Variants in ALMS1 observed in about 807,000 individuals in gnomAD.
The protein encoded by ALMS1 is ALMS1 centrosome and basal body associated protein.
In ALMS1, 271 loss-of-function variants were observed where a neutral mutation model predicts 352.2. That is an observed-to-expected ratio of 0.77 (90% CI 0.70 to 0.85). ALMS1 has a LOEUF of 0.85. Ranked by LOEUF, ALMS1 falls within the 40% of genes least tolerant of loss-of-function variation. The pLI is 0.00. For synonymous variants in ALMS1, 1,865 were observed against 1,761.2 expected, an observed-to-expected ratio of 1.06 and a Z score of -1.48; for missense variants, 5,445 against 4,870.7, an observed-to-expected ratio of 1.12 and a Z score of -3.51.
chr2:73,485,538 C>T (rs1205677647), intron 9 of ALMS1, among the ~76,000 whole-genome samples: 1 of 152,226 alleles, frequency 6.6e-6, no homozygotes, highest in Non-Finnish European at 1.5e-5. Flanking sequence ...TTTGTCTGTG[C>T]CCTTCCTCCA....
At chr2:73,422,073 A>C (rs972978286) in intron 3 of ALMS1, among the ~76,000 whole-genome samples, 2 of 152,152 alleles carry the variant, frequency 1.3e-5, no homozygotes, top group Non-Finnish European at 2.9e-5. Context: ...TATTTCCCAC[A>C]TTAGAAATTA....
chr2:73,436,640 T>C (rs572548476), intron 7 of ALMS1, among the ~76,000 whole-genome samples: 29 of 152,238 alleles, frequency 1.9e-4, no homozygotes, highest in Non-Finnish European at 3.1e-4. Context: ...CTGATTTTTT[T>C]CTTCTGTCTT....
At chr2:73,386,239 G>C in intron 1 of ALMS1, 47 bp downstream of exon 1, 3 of 1,462,726 alleles carry the variant, frequency 2.1e-6, no homozygotes, top group Non-Finnish European at 2.7e-6. Flanking sequence ...AGTTGGGGGT[G>C]GAGGCTGGGC....
At chr2:73,396,340 G>A (rs1670761298) in intron 1 of ALMS1, among the ~76,000 whole-genome samples, 1 of 139,682 alleles carries the variant, frequency 7.2e-6, no homozygotes, top group Non-Finnish European at 1.6e-5. Context: ...ACACACACAC[G>A]CTTGTATTTT....
At chr2:73,509,909 G>A (rs993600511) in intron 10 of ALMS1, among the ~76,000 whole-genome samples, 2 of 152,034 alleles carry the variant, frequency 1.3e-5, no homozygotes, top group East Asian at 1.9e-4. Flanking sequence ...TCAAACGTAC[G>A]TTTAGTCTTT....
At chr2:73,389,369 A>G (rs1393113543) in intron 1 of ALMS1, among the ~76,000 whole-genome samples, 3 of 151,664 alleles carry the variant, frequency 2.0e-5, no homozygotes, top group Non-Finnish European at 2.9e-5. Flanking sequence ...GTTTGCAGAT[A>G]TTTTCTCCCA....
intron 16 of ALMS1, among the ~76,000 whole-genome samples, chr2:73,590,936 A>G (rs905464835): frequency 5.3e-5 from 8 of 151,970 alleles, no homozygotes; most frequent in Non-Finnish European, 1.0e-4. Context: ...ACAGCCTCCC[A>G]AAGTGCTGGA....
At chr2:73,589,002 T>C (rs1675366142) in intron 16 of ALMS1, among the ~76,000 whole-genome samples, 1 of 152,068 alleles carries the variant, frequency 6.6e-6, no homozygotes, top group Admixed American at 6.5e-5. Context: ...CAAATATACA[T>C]ACCTATGTGT....
intron 9 of ALMS1, among the ~76,000 whole-genome samples, chr2:73,474,974 T>C (rs1031813728): frequency 5.3e-5 from 8 of 152,168 alleles, no homozygotes; most frequent in African/African-American, 1.9e-4. Context: ...ATTCTGGACA[T>C]TTTATATAAA....
chr2:73,578,622 A>C (rs1241573852), intron 16 of ALMS1, among the ~76,000 whole-genome samples: 1 of 152,172 alleles, frequency 6.6e-6, no homozygotes, highest in Non-Finnish European at 1.5e-5. Context: ...AGCTTCAATA[A>C]TATACAAACA....
chr2:73,425,956 T>TA (rs1671369760), intron 5 of ALMS1, among the ~76,000 whole-genome samples: 1 of 152,228 alleles, frequency 6.6e-6, no homozygotes, highest in African/African-American at 2.4e-5. Flanking sequence ...TGAAAAATCT[T>TA]ACAACCAGGC....
At chr2:73,510,370 T>C (rs1673423407) in intron 10 of ALMS1, among the ~76,000 whole-genome samples, 1 of 152,232 alleles carries the variant, frequency 6.6e-6, no homozygotes. Context: ...TGGTCTTTGC[T>C]GTTGGTGAAC....
chr2:73,600,237 C>T (rs757894665), intron 17 of ALMS1, among the ~76,000 whole-genome samples: 1 of 152,148 alleles, frequency 6.6e-6, no homozygotes, highest in African/African-American at 2.4e-5. Context: ...GGATTTTTAG[C>T]TATTGCCTTT....
intron 11 of ALMS1, among the ~76,000 whole-genome samples, chr2:73,523,066 A>G (rs893535650): frequency 6.6e-6 from 1 of 152,190 alleles, no homozygotes; most frequent in South Asian, 2.1e-4. Context: ...AAAGGTTGAA[A>G]GCAAAAACTT....
chr2:73,429,649 T>C (rs190996961), intron 6 of ALMS1, among the ~76,000 whole-genome samples: 1 of 152,294 alleles, frequency 6.6e-6, no homozygotes, highest in East Asian at 1.9e-4. Flanking sequence ...GGTTTAAGCC[T>C]TAGATTTCTT....
At chr2:73,525,251 C>T (rs781281941) in intron 11 of ALMS1, among the ~76,000 whole-genome samples, 4 of 152,114 alleles carry the variant, frequency 2.6e-5, no homozygotes, top group Non-Finnish European at 4.4e-5. Context: ...GCAGATTTAT[C>T]GCTGACATAC....
chr2:73,607,465 A>G (rs887729025), intron 21 of ALMS1, among the ~76,000 whole-genome samples: 10 of 151,982 alleles, frequency 6.6e-5, no homozygotes, highest in Admixed American at 3.3e-4. Context: ...CATGGCCACA[A>G]GATCCTCTCT....
chr2:73,521,169 T>A (rs1024194054), intron 11 of ALMS1, among the ~76,000 whole-genome samples: 4 of 152,172 alleles, frequency 2.6e-5, no homozygotes, highest in Non-Finnish European at 5.9e-5. Flanking sequence ...TTTAATAAAT[T>A]ATCACGAAGA....
In ALMS1 at chr2:73,599,491, G is replaced by A. The variant is rs763378598; in HGVS notation, c.11638G>A (p.Val3880Ile). The change falls in exon 17 of 23, where the codon GTA (valine) becomes ATA (isoleucine). Residue 3880 changes from valine (V) to isoleucine (I), a missense_variant. Transcript: ENST00000613296. ...CTCTACTTTTTGCAACAAGCAGAAT[G>A]TACACATGTTAAACAAGGGCATACA... ...SNSTFCNKQN[V>I]HMLNKGIQAG... 5 of 1,613,618 alleles carry A rather than the reference G, an allele frequency of 3.1e-6. No homozygotes were observed. The highest frequency in any genetic ancestry group is 1.7e-6 in the Non-Finnish European group (2 of 1,179,716).
Sources: allele counts gnomAD v4.1 joint callset (sites outside exome capture counted in the v4.1 genomes callset), GRCh38; gene constraint gnomAD v4.1.1; transcripts MANE v1.5; gene names NCBI Gene and HGNC (gene_info 2026-07-23, HGNC 2026-07-21).